The following CTNNA3 variants were observed in gnomAD, a reference collection of about 807,000 sequenced individuals.
CTNNA3 encodes the protein catenin alpha-3.
A neutral mutation model predicts 95.7 loss-of-function variants in CTNNA3; 76 were observed. The observed-to-expected ratio is 0.79, with a 90% CI of 0.66 to 0.96. The LOEUF (loss-of-function observed/expected upper bound fraction) is 0.96. CTNNA3 is among the 40% of genes least tolerant of loss of function. The pLI is 0.00. For synonymous variants in CTNNA3, 431 were observed against 374.4 expected (o/e 1.15, Z -1.74); for missense variants, 1,191 against 1,089.8 (o/e 1.09, Z -1.31).
chr10:66,711,048 C>A (rs1848274532), intron 9 of CTNNA3, among the ~76,000 whole-genome samples: 1 of 151,922 alleles, frequency 6.6e-6, no homozygotes, highest in Non-Finnish European at 1.5e-5. Flanking sequence ...TCAAAAGATT[C>A]AGAGTTAGCC....
intron 13 of CTNNA3, among the ~76,000 whole-genome samples, chr10:66,278,192 A>AG (rs1344067477): frequency 1.5e-5 from 2 of 134,274 alleles, no homozygotes; most frequent in African/African-American, 3.2e-5. Flanking sequence ...ATACAAGATA[A>AG]AAAAAAGGAA....
chr10:67,353,641 G>C (rs1474055140), intron 5 of CTNNA3, among the ~76,000 whole-genome samples: 1 of 151,912 alleles, frequency 6.6e-6, no homozygotes, highest in Admixed American at 6.6e-5. Flanking sequence ...TCACTTCTTA[G>C]GTGCCAAAAA....
chr10:67,346,023 T>G (rs1188502110), intron 5 of CTNNA3, among the ~76,000 whole-genome samples: 1 of 152,154 alleles, frequency 6.6e-6, no homozygotes, highest in African/African-American at 2.4e-5. Flanking sequence ...GAGGCTTCCA[T>G]GAGGCTTGCA....
intron 13 of CTNNA3, among the ~76,000 whole-genome samples, chr10:66,122,365 G>T (rs1197875367): frequency 1.3e-5 from 2 of 152,112 alleles, no homozygotes; most frequent in African/African-American, 4.8e-5. Flanking sequence ...ATTAGAAAAG[G>T]TGTAACATAC....
At chr10:66,812,016 A>G (rs961201126) in intron 7 of CTNNA3, among the ~76,000 whole-genome samples, 6 of 152,180 alleles carry the variant, frequency 3.9e-5, no homozygotes, top group African/African-American at 1.4e-4. Flanking sequence ...TACCTCTTGT[A>G]GCAGCTTTAC....
At chr10:65,943,087 G>A (rs1361402246) in intron 17 of CTNNA3, among the ~76,000 whole-genome samples, 4 of 144,160 alleles carry the variant, frequency 2.8e-5, no homozygotes, top group South Asian at 2.2e-4. Context: ...TTTTTGAGAC[G>A]GAGTCTCGCT....
intron 13 of CTNNA3, among the ~76,000 whole-genome samples, chr10:66,153,386 T>C (rs1311596052): frequency 6.6e-6 from 1 of 151,970 alleles, no homozygotes; most frequent in Non-Finnish European, 1.5e-5. Flanking sequence ...TTCTCTAATA[T>C]TCCTCCAAAG....
At chr10:66,607,900 C>T (rs1382722383) in intron 10 of CTNNA3, among the ~76,000 whole-genome samples, 2 of 152,146 alleles carry the variant, frequency 1.3e-5, no homozygotes, top group Non-Finnish European at 2.9e-5. Context: ...GATAAGGATG[C>T]TCTGTCTCAC....
At chr10:66,720,787 C>T (rs1450395010) in intron 9 of CTNNA3, among the ~76,000 whole-genome samples, 7 of 152,000 alleles carry the variant, frequency 4.6e-5, no homozygotes, top group African/African-American at 1.7e-4. Context: ...GAGCCGAGAT[C>T]GCGCCACTGC....
At chr10:67,739,064 A>C (rs911491100) in intron 1 of CTNNA3, among the ~76,000 whole-genome samples, 5 of 152,212 alleles carry the variant, frequency 3.3e-5, no homozygotes, top group African/African-American at 1.2e-4. Flanking sequence ...AAGGCAGGGC[A>C]ACATTCAAAT....
chr10:66,945,225 T>C (rs1848216500), intron 7 of CTNNA3, among the ~76,000 whole-genome samples: 2 of 152,246 alleles, frequency 1.3e-5, no homozygotes, highest in African/African-American at 4.8e-5. Context: ...TTCTGTTGTA[T>C]AGTGTAACCA....
At chr10:66,023,764 C>G (rs12573277) in intron 15 of CTNNA3, among the ~76,000 whole-genome samples, 1 of 151,970 alleles carries the variant, frequency 6.6e-6, no homozygotes, top group Non-Finnish European at 1.5e-5. Flanking sequence ...AACTTTTAGG[C>G]CTTTTAAATA....
At chr10:67,521,068 G>C (rs1839968769) in intron 5 of CTNNA3, among the ~76,000 whole-genome samples, 1 of 152,118 alleles carries the variant, frequency 6.6e-6, no homozygotes, top group South Asian at 2.1e-4. Context: ...CATTTAACTG[G>C]CTGTTCTGAT....
At chr10:66,183,327 GC>G (rs2131862201) in intron 13 of CTNNA3, among the ~76,000 whole-genome samples, 1 of 152,164 alleles carries the variant, frequency 6.6e-6, no homozygotes, top group South Asian at 2.1e-4. Flanking sequence ...TTTATTCATT[GC>G]CTTCTCTGTA....
chr10:67,655,529 T>C (rs1839997039), intron 1 of CTNNA3, among the ~76,000 whole-genome samples: 1 of 152,234 alleles, frequency 6.6e-6, no homozygotes, highest in Admixed American at 6.5e-5. Context: ...CTCATGCCTG[T>C]AATCCCAGCA....
At chr10:67,261,010 T>C (rs1355458518) in intron 5 of CTNNA3, among the ~76,000 whole-genome samples, 2 of 152,156 alleles carry the variant, frequency 1.3e-5, no homozygotes, top group Non-Finnish European at 2.9e-5. Flanking sequence ...TCCATTTCTT[T>C]GACAAAAGAA....
intron 11 of CTNNA3, among the ~76,000 whole-genome samples, chr10:66,385,924 T>C (rs1214948077): frequency 6.6e-6 from 1 of 152,172 alleles, no homozygotes; most frequent in East Asian, 1.9e-4. Flanking sequence ...ATAAACTAGG[T>C]ATTGATGGGA....
At chr10:66,512,773 T>C (rs1173200138) in intron 11 of CTNNA3, among the ~76,000 whole-genome samples, 2 of 152,266 alleles carry the variant, frequency 1.3e-5, no homozygotes, top group African/African-American at 4.8e-5. Context: ...TTATGGTTTA[T>C]AGTATTCTTA....
intron 12 of CTNNA3, among the ~76,000 whole-genome samples, chr10:66,360,325 A>G (rs2092644519): frequency 6.6e-6 from 1 of 151,938 alleles, no homozygotes; most frequent in South Asian, 2.1e-4. Flanking sequence ...AATAAAAGTT[A>G]CTCTCATATC....
Sources: gnomAD v4.1 joint callset for allele counts (sites outside exome capture counted in the v4.1 genomes callset) on GRCh38, gnomAD v4.1.1 for gene constraint, MANE v1.5 for transcripts, NCBI Gene and HGNC (gene_info 2026-07-23, HGNC 2026-07-21) for gene names.